KLHL6: variants seen among roughly 807,000 people sequenced by gnomAD.
KLHL6 encodes kelch like family member 6.
A neutral mutation model predicts 58.6 loss-of-function variants in KLHL6; 41 were observed. The ratio of observed to expected loss-of-function variants is 0.70; its 90% CI spans 0.55 to 0.91. The LOEUF is 0.91. KLHL6 is among the 40% of genes least tolerant of loss of function. KLHL6 has a pLI of 0.00. For missense variants in KLHL6, 714 were observed against 805.6 expected, an observed-to-expected ratio of 0.89 and a Z score of 1.38; for synonymous variants, 338 against 322.7, an observed-to-expected ratio of 1.05 and a Z score of -0.51.
chr3:183,544,965 A>AT (rs1712673106), intron 1 of KLHL6, among the ~76,000 whole-genome samples: 2 of 152,036 alleles, frequency 1.3e-5, no homozygotes. Flanking sequence ...AAAGTCCCTC[A>AT]TTTTCCCTCC....
intron 3 of KLHL6, among the ~76,000 whole-genome samples, chr3:183,504,531 T>C (rs1474950813): frequency 1.3e-5 from 2 of 152,200 alleles, no homozygotes; most frequent in African/African-American, 2.4e-5. Flanking sequence ...AAATATTTCA[T>C]TGCAGCAATT....
At chr3:183,540,313 A>C (rs766066332) in intron 1 of KLHL6, among the ~76,000 whole-genome samples, 1 of 152,238 alleles carries the variant, frequency 6.6e-6, no homozygotes, top group Non-Finnish European at 1.5e-5. Context: ...AAACCCACAC[A>C]GAGGAAAGCG....
intron 1 of KLHL6, among the ~76,000 whole-genome samples, chr3:183,548,345 G>T (rs953389885): frequency 6.6e-6 from 1 of 152,178 alleles, no homozygotes; most frequent in Non-Finnish European, 1.5e-5. Flanking sequence ...AGTGATGAGG[G>T]GAGGGGTTAT....
At chr3:183,519,357 G>A (rs1312565820) in intron 2 of KLHL6, among the ~76,000 whole-genome samples, 1 of 152,166 alleles carries the variant, frequency 6.6e-6, no homozygotes, top group Non-Finnish European at 1.5e-5. Flanking sequence ...ATCAGAGAGA[G>A]ACTGATGGGA....
rs534097684 is a variant in KLHL6 at position 183,492,155 on chromosome 3, G to C, written c.1638C>G (p.His546Gln). 1 of 1,613,468 alleles carries C rather than the reference G, an allele frequency of 6.2e-7. No individual in the cohort carries two copies. The highest frequency in any genetic ancestry group is 1.1e-5 in the South Asian group (1 of 91,058). ...DSWCLVTQLS[H>Q]ERASCGIAPC... ...GCGCGATACCGCAGCTGGCCCGCTCGTGGCTGAGCTGGGTCACCAGGCACC... is the reference window on the plus strand; with the variant it reads ...GCGCGATACCGCAGCTGGCCCGCTCCTGGCTGAGCTGGGTCACCAGGCACC... The change falls in exon 7 of 7, where the codon CAC becomes CAG. Residue 546 changes from histidine (H) to glutamine (Q), a missense_variant. His to Gln is a conservative substitution (Grantham distance 24). This residue lies in a region of KLHL6 where 510 missense variants were observed against 629.7 expected (regional missense o/e 0.81). Transcript: ENST00000341319. The surrounding 1 kb of genome is among the most constrained non-coding windows in gnomAD (Gnocchi z 5.9).
At chr3:183,507,019 C>T (rs1184976655) in intron 3 of KLHL6, among the ~76,000 whole-genome samples, 1 of 152,086 alleles carries the variant, frequency 6.6e-6, no homozygotes, top group Non-Finnish European at 1.5e-5. Context: ...TGGGGAACCA[C>T]AAGCTGTGCA....
rs2108663568 is a variant in KLHL6 at position 183,494,402 on chromosome 3, T to C, written c.1148-121A>G. The C allele has an allele frequency of 9.4e-6, 7 of 747,916 alleles. No individual in the cohort carries two copies. In the South Asian group the frequency reaches 9.9e-5, roughly 11 times the overall value. The allele number at this position is 747,916 out of a possible 1,614,324, so 46.3% of individuals were successfully genotyped here. A position where few individuals can be genotyped will look rare whatever the true frequency, so the allele number is the denominator to read the frequency against. ...AGGCCAGCCCTACCCTGAGGGGAGA[T>C]ACAAGAAACCCAGCAGGTGTGTGAT... On this transcript the variant is annotated intron_variant, in intron 4 of 6. Coordinates refer to ENST00000341319, the MANE Select transcript of KLHL6 (RefSeq NM_130446.4).
rs377051520 is a variant in KLHL6 at position 183,554,006 on chromosome 3, G to A, written c.293+1355C>T. On this transcript the variant is annotated intron_variant, in intron 1 of 6. Transcript: ENST00000341319. ...AAAAAAAAAAAGAAAGAAAGAAAAC[G>A]CTTTCCATAATACTTTCATAGGTTA... is the stretch of plus-strand genomic sequence containing the variant. Among the ~76,000 whole-genome samples, 82 of 151,414 alleles carry A rather than the reference G, an allele frequency of 5.4e-4. 1 individual carries two copies. Among genetic ancestry groups the A allele is most frequent in the Middle Eastern group, 3.4e-3 (1 of 294 alleles).
chr3:183,492,333 C>G lies in KLHL6; in HGVS notation c.1565-105G>C. The stretch of plus-strand genomic sequence containing the variant: ...TGATTAGGCCAAGTCTACCCTCTTG[C>G]CAAGAGAAACAGTCGATTGATGGCT... On this transcript the variant is annotated intron_variant, in intron 6 of 6. Transcript: ENST00000341319. This position sits in a 1 kb window ranked among gnomAD's most constrained non-coding sequence, Gnocchi z 5.9. The G allele has an allele frequency of 7.5e-7, 1 of 1,333,404 alleles. No homozygotes were observed. Among genetic ancestry groups the G allele is most frequent in the Non-Finnish European group, 1.0e-6 (1 of 977,892 alleles). 82.6% of individuals were successfully genotyped at this position (1,333,404 alleles called of 1,614,324 possible).
chr3:183,520,561 G>A (rs1577190101), intron 2 of KLHL6: 2 of 152,142 alleles, frequency 1.3e-5, no homozygotes, highest in African/African-American at 4.8e-5. Flanking sequence ...CTCGGTGAGG[G>A]GGATGTGGCA....
At chr3:183,510,373 G>A (rs1718147146) in intron 2 of KLHL6, among the ~76,000 whole-genome samples, 1 of 151,980 alleles carries the variant, frequency 6.6e-6, no homozygotes, top group Admixed American at 6.6e-5. Flanking sequence ...CCTGACTGGG[G>A]AGGGTTGGCA....
At chr3:183,536,615 G>A (rs1712375200) in intron 1 of KLHL6, among the ~76,000 whole-genome samples, 1 of 152,224 alleles carries the variant, frequency 6.6e-6, no homozygotes, top group Admixed American at 6.5e-5. Flanking sequence ...ACCTCAGTGA[G>A]CTGCACAGAA....
At chr3:183,519,761 T>C (rs1480681525) in intron 2 of KLHL6, among the ~76,000 whole-genome samples, 1 of 151,158 alleles carries the variant, frequency 6.6e-6, no homozygotes, top group African/African-American at 2.4e-5. Flanking sequence ...CCGGGCATAG[T>C]GGTGCATGGC....
At chr3:183,554,142 T>A (rs1713026577) in intron 1 of KLHL6, among the ~76,000 whole-genome samples, 1 of 152,198 alleles carries the variant, frequency 6.6e-6, no homozygotes, top group East Asian at 1.9e-4. Flanking sequence ...TTATCCACAT[T>A]GCCCTTGCAG....
At chr3:183,503,507 C>T (rs1387627329) in intron 3 of KLHL6, among the ~76,000 whole-genome samples, 2 of 152,156 alleles carry the variant, frequency 1.3e-5, no homozygotes, top group African/African-American at 2.4e-5. Flanking sequence ...GGGCTGGGCA[C>T]GGTGGCTCAC....
At chr3:183,533,311 T>C (rs1712219884) in intron 1 of KLHL6, among the ~76,000 whole-genome samples, 1 of 150,726 alleles carries the variant, frequency 6.6e-6, no homozygotes, top group South Asian at 2.1e-4. Context: ...CTTCTTTCTT[T>C]CTCTCTTTTT....
chr3:183,545,254 T>C (rs1446803156), intron 1 of KLHL6, among the ~76,000 whole-genome samples: 2 of 152,132 alleles, frequency 1.3e-5, no homozygotes, highest in African/African-American at 2.4e-5. Context: ...AATAAAGGAA[T>C]ATGAGGCAGC....
chr3:183,527,074 G>A (rs1454543472), intron 2 of KLHL6, among the ~76,000 whole-genome samples: 2 of 151,692 alleles, frequency 1.3e-5, no homozygotes, highest in Non-Finnish European at 2.9e-5. Context: ...ATTCCAGCCT[G>A]GGCGTCACAG....
At chr3:183,537,858 A>G (rs975007816) in intron 1 of KLHL6, among the ~76,000 whole-genome samples, 1 of 151,836 alleles carries the variant, frequency 6.6e-6, no homozygotes, top group African/African-American at 2.4e-5. Context: ...CTGAAATTAG[A>G]TTACCTATCT....
Sources: gnomAD v4.1 joint callset for allele counts (sites outside exome capture counted in the v4.1 genomes callset) on GRCh38, gnomAD v4.1.1 for gene constraint, gnomAD v4.1.1 regional missense constraint, Gnocchi (gnomAD v3.1) non-coding constraint, MANE v1.5 for transcripts, NCBI Gene and HGNC (gene_info 2026-07-23, HGNC 2026-07-21) for gene names.